CEP70: variants seen among roughly 807,000 people sequenced by gnomAD.
The protein encoded by CEP70 is centrosomal protein 70.
A neutral mutation model predicts 90.9 loss-of-function variants in CEP70; 70 were observed. That is an observed-to-expected ratio of 0.77 (90% CI 0.64 to 0.94). The LOEUF (loss-of-function observed/expected upper bound fraction) is 0.94, where lower values mean the gene tolerates loss of function less well. Ranked by LOEUF, CEP70 falls within the 40% of genes least tolerant of loss-of-function variation. CEP70 has a pLI of 0.00. For synonymous variants in CEP70, 220 were observed against 228.3 expected (o/e 0.96, Z 0.33); for missense variants, 648 against 669.0 (o/e 0.97, Z 0.35).
rs1305816398 is a variant in CEP70, at chr3:138,562,015, G to T, written c.465+8303C>A. 3.5e-5 allele frequency among the ~76,000 whole-genome samples: 4 copies of T among 114,226 alleles called. No individual in the cohort carries two copies. The East Asian group carries it at 1.2e-3, about 33-fold the overall frequency. 74.9% of individuals were successfully genotyped at this position (114,226 alleles called of 152,430 possible). ...TCTGGCCCGGGCGACAATGCAAGAC[G>T]CCGTCTCAAAAAAAAAAAAAAAAGA... On this transcript the variant is annotated intron_variant, in intron 6 of 17. Coordinates refer to ENST00000264982, the MANE Select transcript of CEP70 (RefSeq NM_024491.4).
At chr3:138,536,356 C>T (rs611134) in intron 7 of CEP70, among the ~76,000 whole-genome samples, 62,565 of 151,778 alleles carry the variant, frequency 0.41, 13,455 homozygotes, top group Non-Finnish European at 0.45. Flanking sequence ...TTTGCAATTA[C>T]ATAAATGTTT....
At chr3:138,556,842 G>T (rs1194863458) in intron 6 of CEP70, among the ~76,000 whole-genome samples, 1 of 152,142 alleles carries the variant, frequency 6.6e-6, no homozygotes, top group Non-Finnish European at 1.5e-5. Context: ...TGGAGGCAGG[G>T]CGAGATCACA....
intron 6 of CEP70, among the ~76,000 whole-genome samples, chr3:138,559,902 T>C (rs1358062635): frequency 2.0e-5 from 3 of 152,190 alleles, no homozygotes; most frequent in African/African-American, 7.2e-5. Flanking sequence ...CAACTTATAA[T>C]TCTATACCCA....
chr3:138,529,547 T>C (rs2037622055), intron 8 of CEP70, 85 bp from the exon 9 acceptor site: 2 of 786,452 alleles, frequency 2.5e-6, no homozygotes. Context: ...GAGGGTTTAA[T>C]AATCTAAACA....
At chr3:138,515,586 G>T (rs907186509) in intron 11 of CEP70, among the ~76,000 whole-genome samples, 1 of 152,018 alleles carries the variant, frequency 6.6e-6, no homozygotes, top group African/African-American at 2.4e-5. Context: ...AAACATGTGT[G>T]TGTTGGGTGA....
rs36091559 is a variant in CEP70, at chr3:138,541,430, G to GAA, written c.466-4085_466-4084dup. ...AGAAAAAGAAAAAGAAAAAGAAAAA[G>GAA]AAAAAAAAAAACCTGTCAACCAAGA... On this transcript the variant is annotated intron_variant, in intron 6 of 17. Transcript: ENST00000264982. 9.5e-4 allele frequency among the ~76,000 whole-genome samples: 137 copies of GAA among 144,520 alleles called. 1 individual carries two copies. The highest frequency in any genetic ancestry group is 2.1e-3 in the African/African-American group (83 of 39,490). The allele number at this position is 144,520 out of a possible 152,430, so 94.8% of individuals were successfully genotyped here.
At chr3:138,542,712 G>A (rs1293759440) in intron 6 of CEP70, among the ~76,000 whole-genome samples, 1 of 152,182 alleles carries the variant, frequency 6.6e-6, no homozygotes, top group Non-Finnish European at 1.5e-5. Context: ...TTGTCACCAC[G>A]CACAGCCCGG....
At position 138,575,983 on chromosome 3, in the gene CEP70, G is replaced by C. The variant is rs573766442; in HGVS notation, c.-5-3051C>G. 8.5e-5 allele frequency among the ~76,000 whole-genome samples: 13 copies of C among 152,308 alleles called. No individual in the cohort carries two copies. In the South Asian group the frequency reaches 2.5e-3, roughly 29 times the overall value. On this transcript the variant is annotated intron_variant, in intron 2 of 17. Coordinates refer to ENST00000264982, the MANE Select transcript of CEP70 (RefSeq NM_024491.4). ...ACATGGAAAGGAACAACCAGTACCA[G>C]CCACTGCAAAAACATGCCAAATTGT...
intron 6 of CEP70, among the ~76,000 whole-genome samples, chr3:138,540,698 G>A (rs2038687045): frequency 6.6e-6 from 1 of 152,172 alleles, no homozygotes; most frequent in African/African-American, 2.4e-5. Flanking sequence ...ATTCCTCAAA[G>A]AGCTAAAAGC....
chr3:138,511,426 C>G (rs938358205), intron 11 of CEP70, among the ~76,000 whole-genome samples: 8 of 152,212 alleles, frequency 5.3e-5, no homozygotes, highest in Non-Finnish European at 1.2e-4. Context: ...CTGATATGGC[C>G]TCTAGAAGGA....
At chr3:138,551,493 C>A (rs939851528) in intron 6 of CEP70, among the ~76,000 whole-genome samples, 4 of 152,102 alleles carry the variant, frequency 2.6e-5, no homozygotes, top group Non-Finnish European at 5.9e-5. Context: ...TGCCTGTAAT[C>A]CCAGCACTTT....
chr3:138,567,599 C>A (rs1576871137), intron 6 of CEP70, among the ~76,000 whole-genome samples: 1 of 152,158 alleles, frequency 6.6e-6, no homozygotes, highest in Non-Finnish European at 1.5e-5. Flanking sequence ...TCTACATAAC[C>A]AAGTTTACTG....
At chr3:138,516,953 T>A (rs2036089813) in intron 11 of CEP70, among the ~76,000 whole-genome samples, 1 of 152,188 alleles carries the variant, frequency 6.6e-6, no homozygotes, top group South Asian at 2.1e-4. Context: ...ATCACTGAGA[T>A]CAACTCTTTG....
At chr3:138,551,656 G>C (rs922179466) in intron 6 of CEP70, among the ~76,000 whole-genome samples, 1 of 150,434 alleles carries the variant, frequency 6.6e-6, no homozygotes, top group Non-Finnish European at 1.5e-5. Context: ...TGAGGCAGGA[G>C]AATCACTTGA....
At chr3:138,525,422 A>C (rs2037123696) in intron 11 of CEP70, 68 bp downstream of exon 11, 1 of 555,044 alleles carries the variant, frequency 1.8e-6, no homozygotes. Flanking sequence ...ATAAAAATAA[A>C]AATAAAAATA....
At chr3:138,524,077 A>T (rs56310166) in intron 11 of CEP70, among the ~76,000 whole-genome samples, 27,750 of 81,684 alleles carry the variant, frequency 0.34, 6,061 homozygotes, top group African/African-American at 0.59. Context: ...GCCACATATC[A>T]ACAACCATCT....
intron 2 of CEP70, among the ~76,000 whole-genome samples, chr3:138,588,820 G>A (rs1487494897): frequency 6.6e-6 from 1 of 152,136 alleles, no homozygotes; most frequent in Admixed American, 6.5e-5. Flanking sequence ...GCCAGAAACT[G>A]GAAACAACTC....
intron 6 of CEP70, among the ~76,000 whole-genome samples, chr3:138,566,463 G>C (rs1380710051): frequency 6.6e-6 from 1 of 152,164 alleles, no homozygotes; most frequent in Non-Finnish European, 1.5e-5. Flanking sequence ...AAGAAAATGT[G>C]GCACATATAC....
At chr3:138,584,654 A>G (rs2042024555) in intron 2 of CEP70, among the ~76,000 whole-genome samples, 1 of 152,138 alleles carries the variant, frequency 6.6e-6, no homozygotes, top group East Asian at 1.9e-4. Context: ...AAATCAATCA[A>G]TGTGATACAT....
Sources: gnomAD v4.1 joint callset for allele counts (sites outside exome capture counted in the v4.1 genomes callset) on GRCh38, gnomAD v4.1.1 for gene constraint, MANE v1.5 for transcripts, NCBI Gene and HGNC (gene_info 2026-07-23, HGNC 2026-07-21) for gene names.